OPCML: variants seen among roughly 807,000 people sequenced by gnomAD.
OPCML encodes the protein opioid-binding protein/cell adhesion molecule.
OPCML carries 13 observed loss-of-function variants against 37.8 expected under a neutral mutation model. The ratio of observed to expected loss-of-function variants is 0.34; its 90% CI spans 0.22 to 0.55. OPCML has a LOEUF of 0.55. Among genes scored for constraint, OPCML ranks in the 20% least tolerant of loss-of-function variants. The pLI is 0.91. For synonymous variants in OPCML, 176 were observed against 168.8 expected (o/e 1.04, Z -0.33); for missense variants, 341 against 435.6 (o/e 0.78, Z 1.93).
chr11:132,665,737 T>G (rs1386698478), intron 2 of OPCML, among the ~76,000 whole-genome samples: 1 of 152,100 alleles, frequency 6.6e-6, no homozygotes, highest in African/African-American at 2.4e-5. Context: ...ACTCTATAAA[T>G]CCACAGGGTA....
At chr11:133,487,157 C>A (rs1341936660) in intron 1 of OPCML, among the ~76,000 whole-genome samples, 3 of 152,254 alleles carry the variant, frequency 2.0e-5, no homozygotes, top group East Asian at 3.9e-4. Context: ...CAAATCAAAT[C>A]ATTCTCTTAT....
intron 1 of OPCML, among the ~76,000 whole-genome samples, chr11:133,060,105 C>T (rs528622102): frequency 7.0e-4 from 106 of 152,106 alleles, no homozygotes; most frequent in African/African-American, 2.5e-3. Context: ...TACTAAACTT[C>T]AAAAAATGGA....
intron 1 of OPCML, among the ~76,000 whole-genome samples, chr11:133,484,487 A>G (rs892858529): frequency 3.3e-5 from 5 of 152,192 alleles, no homozygotes; most frequent in African/African-American, 1.2e-4. Flanking sequence ...AGCCAAATCC[A>G]CAGGTAGGTA....
At chr11:132,585,362 A>G (rs1424176071) in intron 3 of OPCML, among the ~76,000 whole-genome samples, 1 of 151,918 alleles carries the variant, frequency 6.6e-6, no homozygotes, top group African/African-American at 2.4e-5. Context: ...GAGAAGAGGG[A>G]CTTCCTTATG....
At chr11:132,629,126 T>C (rs918473686) in intron 3 of OPCML, among the ~76,000 whole-genome samples, 7 of 152,082 alleles carry the variant, frequency 4.6e-5, no homozygotes, top group Non-Finnish European at 7.4e-5. Context: ...ACAGTAACAC[T>C]TTCCTCTCAC....
intron 2 of OPCML, among the ~76,000 whole-genome samples, chr11:132,931,550 A>T (rs1231340203): frequency 6.6e-6 from 1 of 152,222 alleles, no homozygotes; most frequent in African/African-American, 2.4e-5. Context: ...AATGGTCAAT[A>T]AGCATATCAA....
intron 4 of OPCML, among the ~76,000 whole-genome samples, chr11:132,447,099 A>G (rs970089795): frequency 6.6e-6 from 1 of 152,180 alleles, no homozygotes; most frequent in Non-Finnish European, 1.5e-5. Context: ...TACAACATCA[A>G]AGTAAGTCCT....
At chr11:132,425,062 T>C (rs947054002) in intron 7 of OPCML, among the ~76,000 whole-genome samples, 1 of 152,118 alleles carries the variant, frequency 6.6e-6, no homozygotes, top group Admixed American at 6.6e-5. Flanking sequence ...AATGTGTCCA[T>C]CCTGCAATGG....
At chr11:133,151,655 C>T (rs576240782) in intron 1 of OPCML, among the ~76,000 whole-genome samples, 3 of 152,252 alleles carry the variant, frequency 2.0e-5, no homozygotes, top group Admixed American at 2.0e-4. Flanking sequence ...GCTGGCAGCC[C>T]AAGCCCTGAC....
At chr11:132,921,725 G>A (rs975486952) in intron 2 of OPCML, among the ~76,000 whole-genome samples, 1 of 152,088 alleles carries the variant, frequency 6.6e-6, no homozygotes, top group African/African-American at 2.4e-5. Flanking sequence ...GACTACATTT[G>A]GACTTTGTTG....
intron 2 of OPCML, among the ~76,000 whole-genome samples, chr11:132,735,699 G>A (rs1299128832): frequency 6.6e-6 from 1 of 152,100 alleles, no homozygotes; most frequent in African/African-American, 2.4e-5. Flanking sequence ...TAGCCAGGAT[G>A]GTCTCGATCT....
intron 1 of OPCML, among the ~76,000 whole-genome samples, chr11:133,326,643 T>A (rs1592203722): frequency 6.1e-5 from 3 of 49,174 alleles, no homozygotes; most frequent in South Asian, 7.5e-4. Context: ...ATGTGGGTGT[T>A]GGGGAGTGTG....
intron 1 of OPCML, among the ~76,000 whole-genome samples, chr11:132,954,141 T>TTGTTTTTC (rs1945924991): frequency 6.6e-6 from 1 of 152,204 alleles, no homozygotes; most frequent in Non-Finnish European, 1.5e-5. Context: ...GTTTGTTTTT[T>TTGTTTTTC]TGTTTGTTTT....
chr11:132,731,617 G>T (rs943652695), intron 2 of OPCML, among the ~76,000 whole-genome samples: 4 of 152,166 alleles, frequency 2.6e-5, no homozygotes, highest in African/African-American at 9.7e-5. Flanking sequence ...TTCATGTTAG[G>T]CTTGCAATGA....
At chr11:133,122,872 A>T (rs1949443029) in intron 1 of OPCML, among the ~76,000 whole-genome samples, 1 of 152,208 alleles carries the variant, frequency 6.6e-6, no homozygotes, top group South Asian at 2.1e-4. Flanking sequence ...ATTTGGCCCT[A>T]CAGCCAGCGA....
At chr11:132,805,474 A>C (rs988239147) in intron 2 of OPCML, among the ~76,000 whole-genome samples, 2 of 152,182 alleles carry the variant, frequency 1.3e-5, no homozygotes, top group African/African-American at 4.8e-5. Flanking sequence ...AAACAGAATA[A>C]ATATAAAGAG....
At chr11:133,384,957 GGCCGGCCAGA>G (rs1306514865) in intron 1 of OPCML, among the ~76,000 whole-genome samples, 2 of 152,246 alleles carry the variant, frequency 1.3e-5, no homozygotes, top group Admixed American at 6.5e-5. Context: ...CCAACACAGA[GGCCGGCCAGA>G]TCCCAGGGTG....
intron 1 of OPCML, among the ~76,000 whole-genome samples, chr11:133,389,003 A>C (rs1945113632): frequency 6.6e-6 from 1 of 152,174 alleles, no homozygotes; most frequent in Admixed American, 6.5e-5. Flanking sequence ...GGTTAAAGTC[A>C]CTCAGCTAAT....
chr11:132,497,885 A>T (rs1423589229), intron 4 of OPCML, among the ~76,000 whole-genome samples: 2 of 152,182 alleles, frequency 1.3e-5, no homozygotes, highest in Admixed American at 6.5e-5. Context: ...GTACTTTTTT[A>T]AATTTTTTTA....
Sources: gnomAD v4.1 joint callset for allele counts (sites outside exome capture counted in the v4.1 genomes callset) on GRCh38, gnomAD v4.1.1 for gene constraint, MANE v1.5 for transcripts, NCBI Gene and HGNC (gene_info 2026-07-23, HGNC 2026-07-21) for gene names.